Variants in OTOG observed in about 807,000 individuals in gnomAD.
The protein encoded by OTOG is otogelin.
A neutral mutation model predicts 313.8 loss-of-function variants in OTOG; 296 were observed. The ratio of observed to expected loss-of-function variants is 0.94; its 90% CI spans 0.86 to 1.04. The LOEUF (loss-of-function observed/expected upper bound fraction) is 1.04. Among genes scored for constraint, OTOG ranks in the 50% least tolerant of loss-of-function variants. The pLI is 0.00. For missense variants in OTOG, 3,948 were observed against 3,840.1 expected, an observed-to-expected ratio of 1.03 and a Z score of -0.74; for synonymous variants, 1,533 against 1,554.9, an observed-to-expected ratio of 0.99 and a Z score of 0.33.
chr11:17,553,011 G>T, intron 4 of OTOG, 108 bp from the exon 5 acceptor site: 1 of 951,966 alleles, frequency 1.1e-6, no homozygotes, highest in Non-Finnish European at 1.6e-6. Flanking sequence ...GTTGGGGCTG[G>T]GGCTGCCTGT....
At chr11:17,599,568 A>C (rs1853194380) in intron 30 of OTOG, 103 bp from the exon 31 acceptor site, 2 of 1,308,056 alleles carry the variant, frequency 1.5e-6, no homozygotes, top group African/African-American at 2.9e-5. Flanking sequence ...CAGGCCCAGC[A>C]CTTGGGGAAG....
In OTOG at chr11:17,641,926, C is replaced by G; in HGVS notation, c.8270C>G (p.Pro2757Arg). Residue 2757 changes from proline (P) to arginine (R), a missense_variant, in exon 52 of 56, where the codon CCC becomes CGC. Transcript: ENST00000399397. ...AACGTGTCCTGTCTCTTCACCTTCC[C>G]CAATGGCACCACCTCCCTGTTCTTG... ...CRNVSCLFTFPNGTTSLFLPG... is the reference protein window; with the variant it reads ...CRNVSCLFTFRNGTTSLFLPG... 6.5e-7 allele frequency: 1 copy of G among 1,550,372 alleles called. No homozygotes were observed. Among genetic ancestry groups the G allele is most frequent in the Non-Finnish European group, 8.7e-7 (1 of 1,146,858 alleles).
Position 17,593,259 on chromosome 11 carries a change from T to C in OTOG, c.3073T>C (p.Cys1025Arg). 1 of 1,550,388 alleles carries C rather than the reference T, an allele frequency of 6.4e-7. No homozygotes were observed. Among genetic ancestry groups the C allele is most frequent in the African/African-American group, 1.4e-5 (1 of 73,164 alleles). Residue 1025 changes from cysteine (C) to arginine (R), a missense_variant, in exon 26 of 56, where the codon TGC becomes CGC. Physicochemically the swap from Cys to Arg is radical, Grantham distance 180. Coordinates refer to ENST00000399397, the MANE Select transcript of OTOG (RefSeq NM_001292063.2). ...GAACTGCTACAGCTCTGGCATGATCTGCAGGAAATTTATTTCCATCAACGT... is the reference window on the plus strand; with the variant it reads ...GAACTGCTACAGCTCTGGCATGATCCGCAGGAAATTTATTTCCATCAACGT... ...NVNCYSSGMICRKFISINVGN... is the reference protein window; with the variant it reads ...NVNCYSSGMIRRKFISINVGN...
chr11:17,570,192 C>G (rs1310024036), intron 16 of OTOG, 21 bp from the exon 17 acceptor site: 6 of 1,548,544 alleles, frequency 3.9e-6, no homozygotes, highest in Non-Finnish European at 5.2e-6. Flanking sequence ...CCCACTCTCT[C>G]CTTTTGGATT....
At position 17,631,922 on chromosome 11, in the gene OTOG, T is replaced by C; in HGVS notation, c.6933T>C (p.Phe2311=). The C allele has an allele frequency of 6.5e-7, 1 of 1,549,550 alleles. No individual in the cohort carries two copies. The highest frequency in any genetic ancestry group is 8.7e-7 in the Non-Finnish European group (1 of 1,146,990). Reference sequence around the variant, plus strand: ...GCACCTTCAGTGCCTGCCACCGCTTTGTATGTGCCAACTGGGTCCAGCACT... The same window carrying C: ...GCACCTTCAGTGCCTGCCACCGCTTCGTATGTGCCAACTGGGTCCAGCACT... ...SNRTFSACHR[F]VPPESFCELW... The change falls in exon 41 of 56, where the codon TTT becomes TTC. Residue 2311 remains phenylalanine, a splice_region_variant and synonymous_variant. Transcript: ENST00000399397.
intron 32 of OTOG, among the ~76,000 whole-genome samples, chr11:17,603,731 A>C (rs11024337): frequency 0.14 from 21,243 of 152,148 alleles, 1,692 homozygotes; most frequent in East Asian, 0.22. Context: ...TGGGCCTTAA[A>C]GGATGGGAAA....
In OTOG at chr11:17,570,524, C is replaced by A. The variant is rs933734438; in HGVS notation, c.1955+134C>A. On this transcript the variant is annotated intron_variant, in intron 17 of 55. Coordinates refer to ENST00000399397, the MANE Select transcript of OTOG (RefSeq NM_001292063.2). ...AGCATGCACCATTAGTTATTGATTT[C>A]TCTACATTTAAATTTAATTATGTTT... 47 of 824,560 alleles carry A rather than the reference C, an allele frequency of 5.7e-5. No homozygotes were observed. In the East Asian group the frequency reaches 1.3e-3, roughly 22 times the overall value. The allele number at this position is 824,560 out of a possible 1,614,324, so 51.1% of individuals were successfully genotyped here. A position where few individuals can be genotyped will look rare whatever the true frequency, so the allele number is the denominator to read the frequency against.
At position 17,554,042 on chromosome 11, in the gene OTOG, GC is replaced by G. The variant is rs551068676; in HGVS notation, c.540+525del. ...AGGTTTAAGGAATAAATTGGAGTTA[GC>G]CAAGTGAAGAGTAGGAGAGTGTGGG... On this transcript the variant is annotated intron_variant, in intron 6 of 55. Coordinates refer to ENST00000399397, the MANE Select transcript of OTOG (RefSeq NM_001292063.2). 9.8e-5 allele frequency among the ~76,000 whole-genome samples: 15 copies of G among 152,306 alleles called. No individual in the cohort carries two copies. In the East Asian group the frequency reaches 2.9e-3, roughly 29 times the overall value.
chr11:17,572,613 C>G (rs898927275), intron 18 of OTOG, among the ~76,000 whole-genome samples: 2 of 152,198 alleles, frequency 1.3e-5, no homozygotes, highest in African/African-American at 2.4e-5. Flanking sequence ...TTGCACTTGG[C>G]AGTTGCCTGG....
intron 15 of OTOG, among the ~76,000 whole-genome samples, chr11:17,566,281 C>G (rs1424496222): frequency 2.6e-5 from 4 of 152,084 alleles, no homozygotes; most frequent in Admixed American, 2.6e-4. Flanking sequence ...AATGTAAATG[C>G]TTATATAAAT....
In OTOG at chr11:17,596,960, G is replaced by A. The variant is rs1331319858; in HGVS notation, c.3635G>A (p.Cys1212Tyr). ...AGCGTCTCCGCTTATGCCCACCAGT[G>A]TTGCCAGCATGGGGTGGCTGTTGAC... is the stretch of plus-strand genomic sequence containing the variant. ...CASVSAYAHQ[C>Y]CQHGVAVDWR... is the part of the protein sequence containing the mutation. The change falls in exon 30 of 56, where the codon TGT becomes TAT. Residue 1212 changes from cysteine (C) to tyrosine (Y), a missense_variant. Coordinates refer to ENST00000399397, the MANE Select transcript of OTOG (RefSeq NM_001292063.2). 1 of 1,550,500 alleles carries A rather than the reference G, an allele frequency of 6.4e-7. No individual in the cohort carries two copies. The highest frequency in any genetic ancestry group is 2.4e-5 in the East Asian group (1 of 40,922).
chr11:17,640,972 G>A lies in OTOG; in HGVS notation c.8071G>A (p.Val2691Met). Residue 2691 changes from valine to methionine, a missense_variant, in exon 51 of 56, where the codon GTG (valine) becomes ATG (methionine). Physicochemically the swap from Val to Met is conservative, Grantham distance 21. Coordinates refer to ENST00000399397, the MANE Select transcript of OTOG (RefSeq NM_001292063.2). ...TGTGATGCAGCCCGGCCAGACAGTGGTGGAGCTCTCAGCAGATGGCGTGTG... is the reference window on the plus strand; with the variant it reads ...TGTGATGCAGCCCGGCCAGACAGTGATGGAGCTCTCAGCAGATGGCGTGTG... ...LGVMQPGQTV[V>M]ELSADGVCHT... 6.5e-7 allele frequency: 1 copy of A among 1,548,512 alleles called. No homozygotes were observed. The highest frequency in any genetic ancestry group is 8.7e-7 in the Non-Finnish European group (1 of 1,146,984).
At chr11:17,639,497 T>C in intron 49 of OTOG, 34 bp downstream of exon 49, 2 of 1,546,964 alleles carry the variant, frequency 1.3e-6, no homozygotes, top group Admixed American at 3.9e-5. Flanking sequence ...CACTCCCTGG[T>C]CTGCTCCCCT....
Position 17,612,196 on chromosome 11 carries a change from G to A in OTOG, c.6158G>A (p.Cys2053Tyr). ...GAGCAGGACTGCGTCCGCCACATCTGCCTGGAGGGCCAGCTGATTCGCGTG... is the reference window on the plus strand; with the variant it reads ...GAGCAGGACTGCGTCCGCCACATCTACCTGGAGGGCCAGCTGATTCGCGTG... ...IAEQDCVRHICLEGQLIRVNQ... is the reference protein window; with the variant it reads ...IAEQDCVRHIYLEGQLIRVNQ... The change falls in exon 37 of 56, where the codon TGC becomes TAC. Residue 2053 changes from cysteine to tyrosine, a missense_variant. Physicochemically the swap from Cys to Tyr is radical, Grantham distance 194. Transcript: ENST00000399397. 1 of 1,549,928 alleles carries A rather than the reference G, an allele frequency of 6.5e-7. No homozygotes were observed. The highest frequency in any genetic ancestry group is 8.7e-7 in the Non-Finnish European group (1 of 1,146,992).
Position 17,591,581 on chromosome 11 carries a change from T to C in OTOG, c.2999T>C (p.Leu1000Pro), listed in dbSNP as rs1430106855. 2 of 1,550,504 alleles carry C rather than the reference T, an allele frequency of 1.3e-6. No homozygotes were observed. Among genetic ancestry groups the C allele is most frequent in the African/African-American group, 2.7e-5 (2 of 73,064 alleles). The change falls in exon 25 of 56, where the codon CTG becomes CCG. Residue 1000 changes from leucine to proline, a missense_variant. By Grantham distance (98) the Leu-to-Pro change is moderately conservative. Coordinates refer to ENST00000399397, the MANE Select transcript of OTOG (RefSeq NM_001292063.2). ...FDFVGACKVH[L>P]VKSTSDVSFS... ...TTCGTGGGGGCATGCAAAGTGCACC[T>C]GGTCAAGGTGAGTTCCCGGATGTTT...
intron 15 of OTOG, among the ~76,000 whole-genome samples, chr11:17,567,913 TTTTC>T (rs869183373): frequency 8.3e-5 from 12 of 144,292 alleles, no homozygotes; most frequent in Admixed American, 1.4e-4. Flanking sequence ...TTTTCTTTTC[TTTTC>T]TTTTTTTTGA....
At chr11:17,564,879 T>A (rs1482588477) in intron 15 of OTOG, among the ~76,000 whole-genome samples, 1 of 152,204 alleles carries the variant, frequency 6.6e-6, no homozygotes, top group African/African-American at 2.4e-5. Flanking sequence ...TAGGGTTGGA[T>A]GTTATCACAG....
At chr11:17,613,953 C>T (rs1470603787) in intron 39 of OTOG, among the ~76,000 whole-genome samples, 1 of 152,078 alleles carries the variant, frequency 6.6e-6, no homozygotes, top group Non-Finnish European at 1.5e-5. Context: ...GAGAAAAAGT[C>T]GGAAAGGCAA....
At chr11:17,638,189 G>A (rs1854308403) in intron 47 of OTOG, among the ~76,000 whole-genome samples, 1 of 152,224 alleles carries the variant, frequency 6.6e-6, no homozygotes, top group Non-Finnish European at 1.5e-5. Flanking sequence ...CAGGGTGACT[G>A]CAGATTGAGG....
Sources: allele counts gnomAD v4.1 joint callset (sites outside exome capture counted in the v4.1 genomes callset), GRCh38; gene constraint gnomAD v4.1.1; transcripts MANE v1.5; gene names NCBI Gene and HGNC (gene_info 2026-07-23, HGNC 2026-07-21).